The following FGD6 variants were observed in gnomAD, a reference collection of about 807,000 sequenced individuals.
FGD6 encodes the protein FYVE, RhoGEF and PH domain-containing protein 6.
FGD6 carries 90 observed loss-of-function variants against 149.4 expected under a neutral mutation model. The ratio of observed to expected loss-of-function variants is 0.60; its 90% confidence interval spans 0.51 to 0.72. The LOEUF (loss-of-function observed/expected upper bound fraction) is 0.72, where lower values mean the gene tolerates loss of function less well. Ranked by LOEUF, FGD6 falls within the 30% of genes least tolerant of loss-of-function variation. FGD6 has a pLI of 0.00. For missense variants in FGD6, 1,437 were observed against 1,684.8 expected, an observed-to-expected ratio of 0.85 and a Z score of 2.57; for synonymous variants, 527 against 584.0, an observed-to-expected ratio of 0.90 and a Z score of 1.41.
rs2056717770 is a variant in FGD6 at position 95,210,207 on chromosome 12, A to C, written c.1077T>G (p.Asn359Lys). 6.2e-7 allele frequency: 1 copy of C among 1,613,872 alleles called. No homozygotes were observed. The highest frequency in any genetic ancestry group is 1.3e-5 in the African/African-American group (1 of 74,904). Reference protein sequence around the residue: ...SCLTENSLKINKISVLHQNVL... With the variant: ...SCLTENSLKIKKISVLHQNVL... ...CATTCTGATGCAGAACACTGATTTT[A>C]TTGATTTTCAAACTATTTTCAGTAA... Residue 359 changes from asparagine to lysine, a missense_variant, in exon 2 of 21, where the codon AAT becomes AAG. Coordinates refer to ENST00000343958, the MANE Select transcript of FGD6 (RefSeq NM_018351.4).
chr12:95,171,325 G>A (rs961085240), intron 3 of FGD6, among the ~76,000 whole-genome samples: 2 of 152,090 alleles, frequency 1.3e-5, no homozygotes. Context: ...CGAAATTATG[G>A]CACATGAATT....
rs1877953783 is a variant in FGD6, at chr12:95,088,668, G to A, written c.3978+901C>T. Among the ~76,000 whole-genome samples the A allele has an allele frequency of 2.0e-5, 3 of 152,248 alleles. No homozygotes were observed. In the South Asian group the frequency reaches 6.2e-4, roughly 32 times the overall value. ...CAGCATAATTCGTAATAGCCAAAAG[G>A]TGGAAACAACCCAATATTCAACAAG... On this transcript the variant is annotated intron_variant, in intron 18 of 20. Coordinates refer to ENST00000343958, the MANE Select transcript of FGD6 (RefSeq NM_018351.4).
rs1403969107 is a variant in FGD6 at position 95,210,029 on chromosome 12, C to T, written c.1255G>A (p.Asp419Asn). 6 of 1,613,698 alleles carry T rather than the reference C, an allele frequency of 3.7e-6. No homozygotes were observed. The highest frequency in any genetic ancestry group is 1.6e-4 in the Middle Eastern group (1 of 6,080). The change falls in exon 2 of 21, where the codon GAT becomes AAT. Residue 419 changes from aspartate to asparagine, a missense_variant. Physicochemically the swap from Asp to Asn is conservative, Grantham distance 23. Coordinates refer to ENST00000343958, the MANE Select transcript of FGD6 (RefSeq NM_018351.4). ...TCAGAACTCAAATTAGAGTCTTTATCAAAAGAAGGTGCCATTTTTTCAAAG... is the reference window on the plus strand; with the variant it reads ...TCAGAACTCAAATTAGAGTCTTTATTAAAAGAAGGTGCCATTTTTTCAAAG... Reference protein sequence around the residue: ...TSFEKMAPSFDKDSNLSSDST... With the variant: ...TSFEKMAPSFNKDSNLSSDST...
chr12:95,115,061 C>T (rs952609199), intron 8 of FGD6, among the ~76,000 whole-genome samples: 6 of 152,168 alleles, frequency 3.9e-5, no homozygotes, highest in Non-Finnish European at 5.9e-5. Context: ...TTGAAAGAAA[C>T]GTTTTCTGCC....
At chr12:95,141,613 C>T (rs1879849011) in intron 5 of FGD6, 74 bp from the exon 6 acceptor site, 1 of 1,523,528 alleles carries the variant, frequency 6.6e-7, no homozygotes. Context: ...CTCAGTCCCC[C>T]TCCTCCCTAA....
At position 95,077,554 on chromosome 12, in the gene FGD6, G is replaced by A. The variant is rs7297570; in HGVS notation, c.*3966C>T. 0.77 allele frequency: 117,409 copies of A among 152,132 alleles called. 45,577 individuals carry two copies. The highest frequency in any genetic ancestry group is 0.81 in the African/African-American group (33,450 of 41,488). The allele number at this position is 152,132 out of a possible 1,614,324, so 9.4% of individuals were successfully genotyped here. A position where few individuals can be genotyped will look rare whatever the true frequency, so the allele number is the denominator to read the frequency against. On this transcript the variant is annotated 3_prime_UTR_variant, in exon 21 of 21. Transcript: ENST00000343958. ...GCCAAGTCACTGGGAAAGCCACTGA[G>A]GCATGTAAAAGTGGGGATGAAACTA...
chr12:95,196,625 T>A (rs749405785), intron 2 of FGD6, among the ~76,000 whole-genome samples: 11 of 151,816 alleles, frequency 7.2e-5, no homozygotes, highest in Non-Finnish European at 1.6e-4. Flanking sequence ...ACAGTATTAA[T>A]AAACATGCCA....
At chr12:95,092,259 G>C (rs1203155545) in intron 16 of FGD6, among the ~76,000 whole-genome samples, 2 of 152,138 alleles carry the variant, frequency 1.3e-5, no homozygotes, top group Non-Finnish European at 2.9e-5. Context: ...GTGACTCTCT[G>C]ATGTCACTGT....
intron 2 of FGD6, among the ~76,000 whole-genome samples, chr12:95,182,202 C>G (rs528221652): frequency 7.1e-6 from 1 of 140,404 alleles, no homozygotes; most frequent in Non-Finnish European, 1.5e-5. Context: ...CATATTTACA[C>G]ATATATATGT....
At chr12:95,125,882 T>C (rs991802181) in intron 8 of FGD6, 5 of 1,314,914 alleles carry the variant, frequency 3.8e-6, no homozygotes, top group African/African-American at 2.9e-5. Flanking sequence ...TTGGTGGACC[T>C]TGCGCTCAAG....
chr12:95,201,252 G>C (rs1300009275), intron 2 of FGD6, among the ~76,000 whole-genome samples: 1 of 152,100 alleles, frequency 6.6e-6, no homozygotes, highest in East Asian at 1.9e-4. Context: ...GAAGATCAGG[G>C]AGATAAAAGT....
intron 3 of FGD6, among the ~76,000 whole-genome samples, chr12:95,157,464 G>A (rs1286483920): frequency 6.6e-6 from 1 of 151,566 alleles, no homozygotes. Flanking sequence ...CACTTGGGAG[G>A]CTGAGGCAGG....
chr12:95,155,252 C>T (rs576004262), intron 3 of FGD6, among the ~76,000 whole-genome samples: 3 of 152,232 alleles, frequency 2.0e-5, no homozygotes, highest in South Asian at 2.1e-4. Flanking sequence ...TCAGGCCGGG[C>T]GCACTGGCTC....
intron 11 of FGD6, among the ~76,000 whole-genome samples, 173 bp downstream of exon 11, chr12:95,108,175 T>G (rs1878694214): frequency 6.6e-6 from 1 of 152,224 alleles, no homozygotes; most frequent in African/African-American, 2.4e-5. Flanking sequence ...GGCTTATTCC[T>G]AATTGAATTG....
rs1032978378 is a variant in FGD6, at chr12:95,186,223, T to C, written c.2442-13479A>G. Among the ~76,000 whole-genome samples the C allele has an allele frequency of 2.8e-4, 8 of 28,426 alleles. 1 individual carries two copies. In the South Asian group the frequency reaches 5.3e-3, roughly 19 times the overall value. The allele number at this position is 28,426 out of a possible 152,430, so 18.6% of individuals were successfully genotyped here. A position where few individuals can be genotyped will look rare whatever the true frequency, so the allele number is the denominator to read the frequency against. On this transcript the variant is annotated intron_variant, in intron 2 of 20. Transcript: ENST00000343958. ...TGAGCTAAGAATGCTTCTTATATTCTTCTTCTTTTTTTTTTTTTTTTTTTT... is the reference window on the plus strand; with the variant it reads ...TGAGCTAAGAATGCTTCTTATATTCCTCTTCTTTTTTTTTTTTTTTTTTTT...
rs1880345597 is a variant in FGD6 at position 95,152,701 on chromosome 12, A to AT, written c.2685+109dup. 7.3e-6 allele frequency: 7 copies of AT among 962,348 alleles called. No individual in the cohort carries two copies. The East Asian group carries it at 1.8e-4, about 25-fold the overall frequency. 59.6% of individuals were successfully genotyped at this position (962,348 alleles called of 1,614,324 possible). ...TTATCTACATATATGAAATACATAC[A>AT]TTTTAGAAAATGTCTATCATTAAGT... On this transcript the variant is annotated intron_variant, in intron 5 of 20. Transcript: ENST00000343958.
In FGD6 at chr12:95,209,230, C is replaced by G; in HGVS notation, c.2054G>C (p.Ser685Thr). Residue 685 changes from serine to threonine, a missense_variant, in exon 2 of 21, where the codon AGT (serine) becomes ACT (threonine). Ser to Thr is a moderately conservative substitution (Grantham distance 58). Transcript: ENST00000343958. ...QGLLVGEEKRSKPIKAYSTEN... is the reference protein window; with the variant it reads ...QGLLVGEEKRTKPIKAYSTEN... ...TGTGGAATATGCCTTGATGGGTTTA[C>G]TTCTCTTCTCCTCTCCTACCAACAA... is the stretch of plus-strand genomic sequence containing the variant. The G allele has an allele frequency of 6.2e-7, 1 of 1,614,092 alleles. No individual in the cohort carries two copies. The highest frequency in any genetic ancestry group is 8.5e-7 in the Non-Finnish European group (1 of 1,180,010).
At chr12:95,099,909 T>C (rs1219903423) in intron 14 of FGD6, among the ~76,000 whole-genome samples, 1 of 151,632 alleles carries the variant, frequency 6.6e-6, no homozygotes, top group Non-Finnish European at 1.5e-5. Context: ...CCCGGAGTAC[T>C]AGGCTCTACC....
intron 3 of FGD6, among the ~76,000 whole-genome samples, chr12:95,172,038 G>GGGC (rs1555221388): frequency 1.5e-5 from 2 of 136,554 alleles, no homozygotes; most frequent in East Asian, 4.4e-4. Context: ...AATTCTAAGG[G>GGGC]GGGGGGGGTT....
Sources: gnomAD v4.1 joint callset for allele counts (sites outside exome capture counted in the v4.1 genomes callset) on GRCh38, gnomAD v4.1.1 for gene constraint, MANE v1.5 for transcripts, NCBI Gene and HGNC (gene_info 2026-07-23, HGNC 2026-07-21) for gene names.